ITPR3: variants seen among roughly 807,000 people sequenced by gnomAD.
ITPR3 encodes inositol 1,4,5-trisphosphate-gated calcium channel ITPR3.
ITPR3 carries 173 observed loss-of-function variants against 293.2 expected under a neutral mutation model. The ratio of observed to expected loss-of-function variants is 0.59; its 90% CI spans 0.52 to 0.67. The LOEUF is 0.67. Among genes scored for constraint, ITPR3 ranks in the 30% least tolerant of loss-of-function variants. The probability of loss-of-function intolerance (pLI) is 0.00; values close to 1 mark genes in which losing one functional copy is unlikely to be tolerated. For missense variants in ITPR3, 2,796 were observed against 3,592.1 expected (o/e 0.78, Z 5.66); for synonymous variants, 1,295 against 1,444.4 (o/e 0.90, Z 2.35).
chr6:33,687,632 G>A lies in ITPR3; in HGVS notation c.6264+68G>A. 1.6e-6 allele frequency: 2 copies of A among 1,278,262 alleles called. No individual in the cohort carries two copies. The highest frequency in any genetic ancestry group is 2.2e-6 in the Non-Finnish European group (2 of 894,732). The allele number at this position is 1,278,262 out of a possible 1,614,324, so 79.2% of individuals were successfully genotyped here. A position where few individuals can be genotyped will look rare whatever the true frequency, so the allele number is the denominator to read the frequency against. On this transcript the variant is annotated intron_variant, in intron 46 of 57. Coordinates refer to ENST00000605930, the MANE Select transcript of ITPR3 (RefSeq NM_002224.4). This position sits in a 1 kb window ranked among gnomAD's most constrained non-coding sequence, Gnocchi z 5.3. ...ACCCAGGGAGGACACTTGACCCAAG[G>A]GCGTGGCCTGGAACAGAGTGAGGCC...
rs770134215 is a variant in ITPR3, at chr6:33,677,632, G to A, written c.3648+3G>A. 3.1e-6 allele frequency: 5 copies of A among 1,613,098 alleles called. No individual in the cohort carries two copies. The African/African-American group carries it at 5.3e-5, about 17-fold the overall frequency. On this transcript the variant is annotated splice_donor_region_variant and intron_variant, in intron 28 of 57. Coordinates refer to ENST00000605930, the MANE Select transcript of ITPR3 (RefSeq NM_002224.4). ...TGCTGCAGATCCCCTATGACAAGGT[G>A]GCTCTGACTTCTGACCTCTGACTCC...
chr6:33,662,658 C>T lies in ITPR3; in HGVS notation c.842C>T (p.Ala281Val). Residue 281 changes from alanine to valine, a missense_variant, in exon 8 of 58, where the codon GCT (alanine) becomes GTT (valine). By Grantham distance (64) the Ala-to-Val change is moderately conservative. Transcript: ENST00000605930. ...QSATSATSSN[A>V]LWEVEVVHHD... is the part of the protein sequence containing the mutation. Reference sequence around the variant, plus strand: ...GCCACCTCGGCCACCAGCTCCAATGCTCTCTGGGAGGTGGAGGTCAGAAAA... The same window carrying T: ...GCCACCTCGGCCACCAGCTCCAATGTTCTCTGGGAGGTGGAGGTCAGAAAA... The T allele has an allele frequency of 6.2e-7, 1 of 1,608,416 alleles. No individual in the cohort carries two copies. The highest frequency in any genetic ancestry group is 8.5e-7 in the Non-Finnish European group (1 of 1,179,950).
At chr6:33,634,650 C>G (rs1379159033) in intron 1 of ITPR3, among the ~76,000 whole-genome samples, 2 of 152,144 alleles carry the variant, frequency 1.3e-5, no homozygotes, top group African/African-American at 2.4e-5. Flanking sequence ...GCTTTGTGGA[C>G]TGCTGGGCAC....
intron 1 of ITPR3, among the ~76,000 whole-genome samples, chr6:33,622,921 C>T (rs1178143562): frequency 2.6e-5 from 4 of 152,210 alleles, no homozygotes; most frequent in African/African-American, 9.6e-5. Context: ...CTCGCCTTCT[C>T]GCAGAACCAT....
At chr6:33,669,208 C>T (rs534152730) in intron 18 of ITPR3, 52 bp downstream of exon 18, 44 of 1,557,334 alleles carry the variant, frequency 2.8e-5, no homozygotes, top group Non-Finnish European at 3.5e-6. Flanking sequence ...TGGGCCTTCT[C>T]AGTAGGCCGT....
At position 33,687,190 on chromosome 6, in the gene ITPR3, A is replaced by C. The variant is rs770357484; in HGVS notation, c.6076-36A>C. 6.3e-7 allele frequency: 1 copy of C among 1,597,046 alleles called. No homozygotes were observed. Among genetic ancestry groups the C allele is most frequent in the Non-Finnish European group, 8.6e-7 (1 of 1,165,078 alleles). On this transcript the variant is annotated intron_variant, in intron 44 of 57. Transcript: ENST00000605930. This position sits in a 1 kb window ranked among gnomAD's most constrained non-coding sequence, Gnocchi z 5.3. ...AGGGCCCGGCTGGCCCTACCGCCCT[A>C]GGAAGAGAGCATTGGAACAGGCACT... is the stretch of plus-strand genomic sequence containing the variant.
Position 33,686,493 on chromosome 6 carries a change from C to G in ITPR3, c.5953C>G (p.Arg1985Gly). ...LNDISPLCKYRMDLVLQLKDN... is the reference protein window; with the variant it reads ...LNDISPLCKYGMDLVLQLKDN... ...TGACATCAGCCCCCTGTGCAAGTAC[C>G]GCATGGATCTGGTGCTGCAGCTCAA... The change falls in exon 43 of 58, where the codon CGC becomes GGC. Residue 1985 changes from arginine to glycine, a missense_variant. Transcript: ENST00000605930. The G allele has an allele frequency of 6.2e-7, 1 of 1,614,130 alleles. No individual in the cohort carries two copies. The highest frequency in any genetic ancestry group is 1.1e-5 in the South Asian group (1 of 91,086).
In ITPR3 at chr6:33,680,028, C is replaced by A. The variant is rs758747831; in HGVS notation, c.4119C>A (p.Ala1373=). 1.4e-4 allele frequency: 223 copies of A among 1,613,730 alleles called. No homozygotes were observed. The highest frequency in any genetic ancestry group is 1.8e-4 in the Non-Finnish European group (218 of 1,180,042). ...ACATTTCCCTGGTGGACCTGCTGGC[C>A]GCCTGTGCCGAGGGCAAAAACGTCT... is the stretch of plus-strand genomic sequence containing the variant. ...MYHISLVDLL[A]ACAEGKNVYT... Residue 1373 remains alanine (A), a synonymous_variant, in exon 31 of 58, where the codon GCC becomes GCA. Transcript: ENST00000605930.
intron 2 of ITPR3, among the ~76,000 whole-genome samples, chr6:33,650,581 AG>A (rs1166211500): frequency 6.6e-6 from 1 of 152,182 alleles, no homozygotes; most frequent in Non-Finnish European, 1.5e-5. Flanking sequence ...AGAAATGGAT[AG>A]GGTAGAATTG....
chr6:33,647,272 C>T (rs548478610), intron 2 of ITPR3, among the ~76,000 whole-genome samples: 3 of 152,246 alleles, frequency 2.0e-5, no homozygotes, highest in South Asian at 2.1e-4. Flanking sequence ...GCAATCTGCC[C>T]GCTTCAACCT....
Position 33,691,782 on chromosome 6 carries a change from G to T in ITPR3, c.7331-19G>T. The T allele has an allele frequency of 6.2e-7, 1 of 1,610,926 alleles. No homozygotes were observed. Among genetic ancestry groups the T allele is most frequent in the Admixed American group, 1.7e-5 (1 of 59,764 alleles). ...GGAGGAGCAGGCAGCCCGGGCCTCA[G>T]CACACTCTCCGCTTGCAGAGGACAG... On this transcript the variant is annotated intron_variant, in intron 53 of 57. Transcript: ENST00000605930. This position sits in a 1 kb window ranked among gnomAD's most constrained non-coding sequence, Gnocchi z 4.9.
rs1390603449 is a variant in ITPR3 at position 33,665,121 on chromosome 6, C to T, written c.1317C>T (p.Ile439=). Residue 439 remains isoleucine, a synonymous_variant, in exon 13 of 58, where the codon ATC becomes ATT. Coordinates refer to ENST00000605930, the MANE Select transcript of ITPR3 (RefSeq NM_002224.4). Reference sequence around the variant, plus strand: ...TCGTGTCAGTGCCCGTGTCTGAGATCCGAGACCTGGACTTTGCCAATGACG... The same window carrying T: ...TCGTGTCAGTGCCCGTGTCTGAGATTCGAGACCTGGACTTTGCCAATGACG... The part of the protein sequence containing the change: ...FAIVSVPVSE[I]RDLDFANDAS... The T allele has an allele frequency of 6.2e-7, 1 of 1,614,194 alleles. No individual in the cohort carries two copies. The highest frequency in any genetic ancestry group is 8.5e-7 in the Non-Finnish European group (1 of 1,180,050).
chr6:33,636,686 G>C (rs778752292), intron 1 of ITPR3, among the ~76,000 whole-genome samples: 22 of 151,982 alleles, frequency 1.4e-4, no homozygotes, highest in Non-Finnish European at 2.8e-4. Context: ...GGCTGAGTTT[G>C]CGATGTCTGT....
At chr6:33,663,445 G>C in intron 9 of ITPR3, 55 bp from the exon 10 acceptor site, 5 of 1,530,768 alleles carry the variant, frequency 3.3e-6, no homozygotes, top group Non-Finnish European at 4.5e-6. Context: ...GCAGTGGGTC[G>C]TGTGGGTATA....
intron 1 of ITPR3, among the ~76,000 whole-genome samples, chr6:33,640,086 A>G (rs1264472154): frequency 6.6e-6 from 1 of 151,780 alleles, no homozygotes; most frequent in African/African-American, 2.4e-5. Flanking sequence ...CCACTCCTCT[A>G]TGCTTTTGTT....
intron 11 of ITPR3, 112 bp downstream of exon 11, chr6:33,663,992 C>T (rs1197345253): frequency 1.7e-5 from 22 of 1,309,384 alleles, no homozygotes; most frequent in Non-Finnish European, 2.2e-5. Context: ...GTCCTTTAGC[C>T]TCTGGGGTCT....
At chr6:33,694,540 G>A (rs1043194154) in intron 56 of ITPR3, 13 of 263,420 alleles carry the variant, frequency 4.9e-5, no homozygotes, top group African/African-American at 2.1e-4. Flanking sequence ...GGCGTGGGGC[G>A]TGCTTGTCAG....
In ITPR3 at chr6:33,671,189, ATCTACTTCGGC is replaced by A. The variant is rs763794921; in HGVS notation, c.2613_2623del (p.Tyr872LeufsTer31). 4 of 1,610,074 alleles carry A rather than the reference ATCTACTTCGGC, an allele frequency of 2.5e-6. No homozygotes were observed. The highest frequency in any genetic ancestry group is 3.4e-6 in the Non-Finnish European group (4 of 1,177,164). ...GGTGGTCAGCCTGGCGCACAATCTC[ATCTACTTCGGC>A]TTCTACAGCTTCAGCGAGCTGCTGC... On this transcript the variant is annotated frameshift_variant, in exon 21 of 58. Coordinates refer to ENST00000605930, the MANE Select transcript of ITPR3 (RefSeq NM_002224.4). LOFTEE classifies it high-confidence loss of function.
At chr6:33,663,984 C>T (rs932532065) in intron 11 of ITPR3, 104 bp downstream of exon 11, 30 of 1,406,716 alleles carry the variant, frequency 2.1e-5, no homozygotes, top group Admixed American at 9.7e-5. Flanking sequence ...CTCCTGCGGT[C>T]CTTTAGCCTC....
Sources: allele counts gnomAD v4.1 joint callset (sites outside exome capture counted in the v4.1 genomes callset), GRCh38; gene constraint gnomAD v4.1.1; non-coding constraint Gnocchi (gnomAD v3.1); transcripts MANE v1.5; gene names NCBI Gene and HGNC (gene_info 2026-07-23, HGNC 2026-07-21).